DNASE1: variants seen among roughly 807,000 people sequenced by gnomAD.
The protein encoded by DNASE1 is deoxyribonuclease 1.
In DNASE1, 40 loss-of-function variants were observed where a neutral mutation model predicts 33.9. The ratio of observed to expected loss-of-function variants is 1.18; its 90% CI spans 0.92 to 1.54. The LOEUF (loss-of-function observed/expected upper bound fraction) is 1.54, where lower values mean the gene tolerates loss of function less well. Ranked by LOEUF, DNASE1 falls within the 40% of genes most tolerant of loss-of-function variation. The pLI is 0.00. For synonymous variants in DNASE1, 216 were observed against 160.0 expected, an observed-to-expected ratio of 1.35 and a Z score of -2.64; for missense variants, 518 against 372.6, an observed-to-expected ratio of 1.39 and a Z score of -3.21.
chr16:3,658,900 G>A (rs767542625), downstream of DNASE1: 1 of 1,608,370 alleles, frequency 6.2e-7, no homozygotes. Context: ...AAGCAGCTCA[G>A]TACCACGTGC....
At chr16:3,633,922 C>T (rs1193265225) in intron 1 of DNASE1, among the ~76,000 whole-genome samples, 1 of 151,918 alleles carries the variant, frequency 6.6e-6, no homozygotes, top group East Asian at 2.0e-4. Context: ...CATTCTCCTA[C>T]CTCAGCCTCC....
rs370998464 is a variant in DNASE1 at position 3,656,656 on chromosome 16, G to A, written c.339G>A (p.Ala113=). ...LFVYRPDQVS[A]VDSYYYDDGC... ...CCCGCAGGCCTGACCAGGTGTCTGC[G>A]GTGGACAGCTACTACTACGATGATG... Residue 113 remains alanine (A), a synonymous_variant, in exon 5 of 9, where the codon GCG becomes GCA. Coordinates refer to ENST00000246949, the MANE Select transcript of DNASE1 (RefSeq NM_005223.4). 7.0e-5 allele frequency: 113 copies of A among 1,612,292 alleles called. No homozygotes were observed. The highest frequency in any genetic ancestry group is 4.8e-4 in the Admixed American group (29 of 59,902).
At chr16:3,645,850 C>T (rs1419707108) in intron 1 of DNASE1, among the ~76,000 whole-genome samples, 2 of 152,174 alleles carry the variant, frequency 1.3e-5, no homozygotes, top group Non-Finnish European at 1.5e-5. Flanking sequence ...CAGGCTGGGG[C>T]GCAGACCAAG....
rs540959452 is a variant in DNASE1 at position 3,622,620 on chromosome 16, A to T, written c.-1359+10614A>T. 3.2e-3 allele frequency among the ~76,000 whole-genome samples: 488 copies of T among 152,046 alleles called. 2 individuals are homozygous for T. The highest frequency in any genetic ancestry group is 9.8e-3 in the African/African-American group (406 of 41,506). On this transcript the variant is annotated intron_variant and NMD_transcript_variant, in intron 1 of 11. Coordinates refer to the DNASE1 transcript ENST00000570769. ...AGTTTTTATCATTTGACTTAAAAAA[A>T]TTTTTTTTCTTTTTTGAGGTGGAGT...
intron 1 of DNASE1, among the ~76,000 whole-genome samples, chr16:3,635,756 C>T (rs1460642935): frequency 1.3e-5 from 2 of 150,496 alleles, no homozygotes; most frequent in Non-Finnish European, 3.0e-5. Flanking sequence ...CTACTGTTTT[C>T]CCTTGAATAA....
At chr16:3,621,460 C>A (rs1258380298) in intron 1 of DNASE1, among the ~76,000 whole-genome samples, 1 of 152,120 alleles carries the variant, frequency 6.6e-6, no homozygotes, top group Non-Finnish European at 1.5e-5. Flanking sequence ...ACAAAAATTC[C>A]CTCCTACTTC....
downstream of DNASE1, chr16:3,662,279 A>G: frequency 1.1e-6 from 1 of 942,954 alleles, no homozygotes; most frequent in African/African-American, 1.7e-5. Flanking sequence ...CTCCCTCCCC[A>G]TTACCCACTA....
At chr16:3,640,339 A>C (rs1406989556), upstream of DNASE1, among the ~76,000 whole-genome samples, 1 of 152,122 alleles carries the variant, frequency 6.6e-6, no homozygotes, top group African/African-American at 2.4e-5. Context: ...TGCCCTGCAA[A>C]TAGCAGCAGC....
upstream of DNASE1, among the ~76,000 whole-genome samples, chr16:3,639,883 G>A (rs2041983082): frequency 6.6e-6 from 1 of 152,186 alleles, no homozygotes; most frequent in Non-Finnish European, 1.5e-5. Flanking sequence ...GCAACATAGT[G>A]AGACCCTGTC....
chr16:3,626,157 TATC>T (rs1213508940), intron 1 of DNASE1, among the ~76,000 whole-genome samples: 2 of 151,540 alleles, frequency 1.3e-5, no homozygotes, highest in South Asian at 2.1e-4. Context: ...ACGGGACTAG[TATC>T]ATATGCACAA....
chr16:3,616,939 C>G (rs1204068168), intron 1 of DNASE1, among the ~76,000 whole-genome samples: 1 of 152,098 alleles, frequency 6.6e-6, no homozygotes, highest in African/African-American at 2.4e-5. Flanking sequence ...AACAGGATAT[C>G]ACATGCAAAA....
At chr16:3,631,857 GTCT>G (rs1179994074) in intron 1 of DNASE1, among the ~76,000 whole-genome samples, 1 of 152,064 alleles carries the variant, frequency 6.6e-6, no homozygotes. Context: ...CTGCATTATT[GTCT>G]TCTTTTGTGT....
intron 1 of DNASE1, among the ~76,000 whole-genome samples, chr16:3,643,602 C>G (rs965931499): frequency 6.6e-6 from 1 of 152,228 alleles, no homozygotes; most frequent in African/African-American, 2.4e-5. Flanking sequence ...GCCCTTCTGT[C>G]ACGCACAGTC....
chr16:3,620,169 G>A (rs897194314), intron 1 of DNASE1, among the ~76,000 whole-genome samples: 1 of 152,012 alleles, frequency 6.6e-6, no homozygotes, highest in Non-Finnish European at 1.5e-5. Context: ...ACCCGCATCG[G>A]CTTCCCAAAG....
At chr16:3,641,683 A>G (rs1360684519), upstream of DNASE1, among the ~76,000 whole-genome samples, 1 of 152,174 alleles carries the variant, frequency 6.6e-6, no homozygotes, top group African/African-American at 2.4e-5. Flanking sequence ...TTGGTTACAG[A>G]GAAGGTGACA....
chr16:3,644,148 A>G (rs1328194218), intron 1 of DNASE1, among the ~76,000 whole-genome samples: 1 of 152,230 alleles, frequency 6.6e-6, no homozygotes, highest in African/African-American at 2.4e-5. Context: ...ACAATAACTG[A>G]AATTTAAAAT....
At chr16:3,661,965 A>G (rs529246593), downstream of DNASE1, 193 of 1,576,218 alleles carry the variant, frequency 1.2e-4, no homozygotes, top group Non-Finnish European at 1.5e-4. Flanking sequence ...ACAGGCTGGA[A>G]GAGCCAGGAG....
intron 1 of DNASE1, among the ~76,000 whole-genome samples, chr16:3,614,065 A>C (rs2041012658): frequency 6.6e-6 from 1 of 151,758 alleles, no homozygotes; most frequent in Admixed American, 6.6e-5. Flanking sequence ...GGCGCCCGCC[A>C]CCACACCTGG....
upstream of DNASE1, chr16:3,641,187 A>G (rs1163608093): frequency 5.3e-6 from 2 of 379,640 alleles, no homozygotes; most frequent in Non-Finnish European, 9.3e-6. Flanking sequence ...ACCAGCAGCC[A>G]CCCCTCCATG....
Sources: allele counts gnomAD v4.1 joint callset (sites outside exome capture counted in the v4.1 genomes callset), GRCh38; gene constraint gnomAD v4.1.1; transcripts MANE v1.5; gene names NCBI Gene and HGNC (gene_info 2026-07-23, HGNC 2026-07-21).